Variants in MIDN observed in about 807,000 individuals in gnomAD.
The protein encoded by MIDN is midnolin.
In MIDN, 26 loss-of-function variants were observed where a neutral mutation model predicts 46.1. The ratio of observed to expected loss-of-function variants is 0.56; its 90% CI spans 0.41 to 0.78. The LOEUF (loss-of-function observed/expected upper bound fraction) is 0.78, where lower values mean the gene tolerates loss of function less well. MIDN is among the 30% of genes least tolerant of loss of function. The pLI is 0.00. For missense variants in MIDN, 850 were observed against 771.8 expected, an observed-to-expected ratio of 1.10 and a Z score of -1.20; for synonymous variants, 432 against 343.3, an observed-to-expected ratio of 1.26 and a Z score of -2.86.
chr19:1,256,886 G>T, intron 8 of MIDN, 109 bp from the exon 9 acceptor site: 1 of 1,512,140 alleles, frequency 6.6e-7, no homozygotes, highest in Non-Finnish European at 8.9e-7. Flanking sequence ...TCCCTCCAGG[G>T]AGGGCAGGAC....
intron 8 of MIDN, among the ~76,000 whole-genome samples, 196 bp from the exon 9 acceptor site, chr19:1,256,799 C>T (rs1039999054): frequency 1.2e-4 from 18 of 152,182 alleles, no homozygotes; most frequent in African/African-American, 4.3e-4. Flanking sequence ...GCCTCGGCCT[C>T]CCAAAGTGCT....
At chr19:1,255,118 G>T (rs2145495172) in intron 7 of MIDN, 57 bp downstream of exon 7, 1 of 1,569,534 alleles carries the variant, frequency 6.4e-7, no homozygotes. Flanking sequence ...TGTGCATTTG[G>T]GGTCTACATC....
At chr19:1,253,178 C>T (rs867498097) in intron 4 of MIDN, among the ~76,000 whole-genome samples, 5 of 151,468 alleles carry the variant, frequency 3.3e-5, no homozygotes, top group Middle Eastern at 3.2e-3. Context: ...CAGCTGCTCT[C>T]GGGAAGCCAC....
chr19:1,252,300 G>T (rs1184133187), intron 4 of MIDN, among the ~76,000 whole-genome samples: 1 of 152,168 alleles, frequency 6.6e-6, no homozygotes, highest in Non-Finnish European at 1.5e-5. Context: ...TTCTGCTGAG[G>T]GCTGGGGGTG....
At position 1,257,661 on chromosome 19, in the gene MIDN, TC is replaced by T. The variant is rs1478737616; in HGVS notation, c.*391del. The T allele has an allele frequency of 9.8e-6, 2 of 204,594 alleles. No individual in the cohort carries two copies. The highest frequency in any genetic ancestry group is 2.4e-5 in the African/African-American group (1 of 42,376). 12.7% of individuals were successfully genotyped at this position (204,594 alleles called of 1,614,324 possible). A position where few individuals can be genotyped will look rare whatever the true frequency, so the allele number is the denominator to read the frequency against. ...AGACGGAGAAACGCGCCCCATCCCT[TC>T]CGCCGCCTCCTTTCCCCCCCGACCC... On this transcript the variant is annotated 3_prime_UTR_variant, in exon 9 of 9. Transcript: ENST00000682408.
intron 2 of MIDN, chr19:1,251,220 T>C (rs530296387): frequency 1.5e-5 from 4 of 263,552 alleles, no homozygotes; most frequent in South Asian, 4.8e-5. Flanking sequence ...AATTAGGGAA[T>C]TGGGGGCAGG....
chr19:1,251,081 C>G (rs890464605), intron 2 of MIDN, among the ~76,000 whole-genome samples: 1 of 151,934 alleles, frequency 6.6e-6, no homozygotes, highest in Non-Finnish European at 1.5e-5. Context: ...GGGAGGGTCT[C>G]CTTTGTCTGC....
At position 1,254,978 on chromosome 19, in the gene MIDN, C is replaced by G; in HGVS notation, c.902C>G (p.Pro301Arg). 7 of 1,613,174 alleles carry G rather than the reference C, an allele frequency of 4.3e-6. No homozygotes were observed. Among genetic ancestry groups the G allele is most frequent in the Non-Finnish European group, 5.9e-6 (7 of 1,179,906 alleles). Residue 301 changes from proline (P) to arginine (R), a missense_variant, in exon 7 of 9, where the codon CCT becomes CGT. Transcript: ENST00000682408. ...ASTTSTPGAS[P>R]APRSRKPGAV... ...ACCACGTCTACCCCAGGGGCCAGCC[C>G]TGCCCCCCGCTCCCGAAAACCCGGC...
At position 1,257,753 on chromosome 19, in the gene MIDN, G is replaced by A. The variant is rs554841890; in HGVS notation, c.*481G>A. On this transcript the variant is annotated 3_prime_UTR_variant, in exon 9 of 9. Coordinates refer to ENST00000682408, the MANE Select transcript of MIDN (RefSeq NM_001388306.1). ...CACTTTACAGATGAGGGGAGGGGCC[G>A]CAGTGCGCAGAACCCACCCCACCCC... 19 of 162,106 alleles carry A rather than the reference G, an allele frequency of 1.2e-4. No homozygotes were observed. In the South Asian group the frequency reaches 2.5e-3, roughly 22 times the overall value. The allele number at this position is 162,106 out of a possible 1,614,324, so 10.0% of individuals were successfully genotyped here.
rs976192610 is a variant in MIDN at position 1,251,328 on chromosome 19, C to T, written c.234-234C>T. 7 of 539,090 alleles carry T rather than the reference C, an allele frequency of 1.3e-5. No homozygotes were observed. In the Admixed American group the frequency reaches 1.5e-4, roughly 11 times the overall value. The allele number at this position is 539,090 out of a possible 1,614,324, so 33.4% of individuals were successfully genotyped here. A position where few individuals can be genotyped will look rare whatever the true frequency, so the allele number is the denominator to read the frequency against. On this transcript the variant is annotated intron_variant, in intron 2 of 8. Coordinates refer to ENST00000682408, the MANE Select transcript of MIDN (RefSeq NM_001388306.1). ...GGGGTGCAGAGGGGGTGCCAGAGTC[C>T]AGGGCGGGGGTTCCACTGGAGGGAA...
intron 4 of MIDN, among the ~76,000 whole-genome samples, 190 bp downstream of exon 4, chr19:1,252,091 G>C (rs899505036): frequency 6.6e-6 from 1 of 152,184 alleles, no homozygotes; most frequent in Non-Finnish European, 1.5e-5. Flanking sequence ...ACCTGACCCG[G>C]AGGGCTTTCT....
chr19:1,254,548 G>A, intron 6 of MIDN, 70 bp downstream of exon 6: 8 of 1,484,686 alleles, frequency 5.4e-6, no homozygotes, highest in Non-Finnish European at 7.3e-6. Context: ...GGGAGGTCTT[G>A]GGGAGGACAA....
intron 6 of MIDN, 62 bp downstream of exon 6, chr19:1,254,540 G>A: frequency 6.6e-7 from 1 of 1,508,332 alleles, no homozygotes; most frequent in Non-Finnish European, 8.9e-7. Context: ...CCGTCCTGGG[G>A]AGGTCTTGGG....
intron 6 of MIDN, 93 bp downstream of exon 6, chr19:1,254,571 C>T: frequency 2.3e-6 from 3 of 1,320,644 alleles, no homozygotes; most frequent in South Asian, 1.3e-5. Flanking sequence ...ACTCTTAGTC[C>T]CAGGTGAGTC....
chr19:1,255,039 G>T lies in MIDN; in HGVS notation c.963G>T (p.Gly321=). Residue 321 remains glycine (G), a synonymous_variant, in exon 7 of 9, where the codon GGG becomes GGT. Transcript: ENST00000682408. ...VIESFVNHAP[G]VFSGTFSGTL... is the part of the protein sequence containing the mutation. ...AGAGCTTTGTGAATCACGCCCCGGG[G>T]GTCTTCTCAGGGACCTTCTCTGGTA... 1.2e-6 allele frequency: 2 copies of T among 1,612,976 alleles called. No homozygotes were observed. Among genetic ancestry groups the T allele is most frequent in the Non-Finnish European group, 1.7e-6 (2 of 1,179,712 alleles).
Position 1,255,574 on chromosome 19 carries a change from TC to T in MIDN, c.1142del (p.Pro381ArgfsTer187). The T allele has an allele frequency of 6.2e-7, 1 of 1,611,546 alleles. No individual in the cohort carries two copies. On this transcript the variant is annotated frameshift_variant, in exon 8 of 9. Coordinates refer to ENST00000682408, the MANE Select transcript of MIDN (RefSeq NM_001388306.1). LOFTEE classifies it high-confidence loss of function. The stretch of plus-strand genomic sequence containing the variant: ...CCAGCTCCGCTGCCACGCCCAGTGC[TC>T]CCCGGCCTCACCGGCCCCCGACCTG... ...LAQLRCHAQC[S>X]PASPAPDLAP...
Position 1,254,024 on chromosome 19 carries a change from A to G in MIDN, c.455A>G (p.Lys152Arg). The change falls in exon 5 of 9, where the codon AAG (lysine) becomes AGG (arginine). Residue 152 changes from lysine to arginine, a missense_variant. Physicochemically the swap from Lys to Arg is conservative, Grantham distance 26. Transcript: ENST00000682408. ...GFRKYRFILF[K>R]RPWHRQGPQS... Reference sequence around the variant, plus strand: ...CGGAAATACAGATTCATTTTATTTAAGCGTCCGTGGCACCGACAGGGACCC... The same window carrying G: ...CGGAAATACAGATTCATTTTATTTAGGCGTCCGTGGCACCGACAGGGACCC... 1 of 1,424,876 alleles carries G rather than the reference A, an allele frequency of 7.0e-7. No homozygotes were observed. The highest frequency in any genetic ancestry group is 9.1e-7 in the Non-Finnish European group (1 of 1,097,750). 88.3% of individuals were successfully genotyped at this position (1,424,876 alleles called of 1,614,324 possible). A position where few individuals can be genotyped will look rare whatever the true frequency, so the allele number is the denominator to read the frequency against.
chr19:1,250,443 C>T lies in MIDN; in HGVS notation c.147C>T (p.Pro49=), dbSNP rs753289396. ...CCCGCTACGACCTGGCCGTGCCGCC[C>T]GACGAGACGGTGGAGGGGCTGCGCA... ...TGTRYDLAVP[P]DETVEGLRKR... The change falls in exon 2 of 9, where the codon CCC becomes CCT. Residue 49 remains proline, a synonymous_variant. Transcript: ENST00000682408. The T allele has an allele frequency of 1.2e-5, 17 of 1,387,824 alleles. No homozygotes were observed. The highest frequency in any genetic ancestry group is 1.6e-5 in the Non-Finnish European group (17 of 1,048,974). The allele number at this position is 1,387,824 out of a possible 1,614,324, so 86.0% of individuals were successfully genotyped here.
In MIDN at chr19:1,249,594, T is replaced by TGCGGGCGCGGGCGGGGCGGGG. The variant is rs1555747316; in HGVS notation, c.-407-285_-407-265dup. The stretch of plus-strand genomic sequence containing the variant: ...CGGGCTCCGGGCGCTTATGAATGGC[T>TGCGGGCGCGGGCGGGGCGGGG]GCGGGCGCGGGCGGGGCGGGGGCGG... On this transcript the variant is annotated intron_variant, in intron 1 of 8. Coordinates refer to ENST00000682408, the MANE Select transcript of MIDN (RefSeq NM_001388306.1). 4.7e-5 allele frequency among the ~76,000 whole-genome samples: 7 copies of TGCGGGCGCGGGCGGGGCGGGG among 148,460 alleles called. No individual in the cohort carries two copies. The East Asian group carries it at 1.2e-3, about 26-fold the overall frequency.
Sources: allele counts gnomAD v4.1 joint callset (sites outside exome capture counted in the v4.1 genomes callset), GRCh38; gene constraint gnomAD v4.1.1; transcripts MANE v1.5; gene names NCBI Gene and HGNC (gene_info 2026-07-23, HGNC 2026-07-21).